Variants in THSD7B observed in about 807,000 individuals in gnomAD.
THSD7B encodes the protein thrombospondin type-1 domain-containing protein 7B.
A neutral mutation model predicts 213.6 loss-of-function variants in THSD7B; 138 were observed. The observed-to-expected ratio is 0.65, with a 90% confidence interval of 0.56 to 0.74. The LOEUF is 0.74. Among genes scored for constraint, THSD7B ranks in the 30% least tolerant of loss-of-function variants. The probability of loss-of-function intolerance (pLI) is 0.00; values close to 1 mark genes in which losing one functional copy is unlikely to be tolerated. For synonymous variants in THSD7B, 742 were observed against 687.0 expected (o/e 1.08, Z -1.25); for missense variants, 1,931 against 1,991.5 (o/e 0.97, Z 0.58).
intron 1 of THSD7B, among the ~76,000 whole-genome samples, chr2:136,770,392 C>T (rs1486816339): frequency 6.6e-6 from 1 of 152,134 alleles, no homozygotes. Flanking sequence ...GCAAGTTAGA[C>T]AGGGCACATG....
At chr2:137,085,289 C>T (rs962152422) in intron 3 of THSD7B, among the ~76,000 whole-genome samples, 1 of 152,072 alleles carries the variant, frequency 6.6e-6, no homozygotes, top group Non-Finnish European at 1.5e-5. Flanking sequence ...GTTTGTGGTG[C>T]CACATTCTAA....
chr2:137,033,958 C>T (rs1384465559), intron 2 of THSD7B, among the ~76,000 whole-genome samples: 1 of 135,846 alleles, frequency 7.4e-6, no homozygotes, highest in Non-Finnish European at 1.6e-5. Flanking sequence ...TACCCCACAA[C>T]AGGCCCCAGT....
intron 2 of THSD7B, among the ~76,000 whole-genome samples, chr2:137,050,374 G>A (rs868867327): frequency 1.6e-4 from 24 of 152,180 alleles, no homozygotes; most frequent in South Asian, 4.1e-4. Context: ...TCTAATGGAT[G>A]TTCTAGACAC....
intron 3 of THSD7B, among the ~76,000 whole-genome samples, chr2:137,083,750 G>A (rs946147752): frequency 2.0e-5 from 3 of 151,884 alleles, no homozygotes; most frequent in South Asian, 2.1e-4. Context: ...TGTTGCAAAC[G>A]TTCGCTGAGT....
chr2:137,581,708 C>T (rs893948185), intron 17 of THSD7B, among the ~76,000 whole-genome samples: 13 of 146,092 alleles, frequency 8.9e-5, no homozygotes, highest in African/African-American at 3.0e-4. Context: ...TGCAGTGAGC[C>T]GAGATCCCGC....
chr2:136,972,469 T>C (rs1685420089), intron 2 of THSD7B, among the ~76,000 whole-genome samples: 1 of 152,194 alleles, frequency 6.6e-6, no homozygotes, highest in South Asian at 2.1e-4. Context: ...AATATGCATG[T>C]ATGCGTGTAT....
intron 2 of THSD7B, among the ~76,000 whole-genome samples, chr2:136,908,415 T>C (rs1168269953): frequency 6.6e-6 from 1 of 152,186 alleles, no homozygotes; most frequent in Non-Finnish European, 1.5e-5. Flanking sequence ...CGTAGTGAAA[T>C]GAGTAGCAAA....
intron 2 of THSD7B, among the ~76,000 whole-genome samples, chr2:137,043,857 T>C (rs1686924431): frequency 6.6e-6 from 1 of 152,198 alleles, no homozygotes; most frequent in Admixed American, 6.5e-5. Flanking sequence ...CACCATCTTC[T>C]CTTAATAAAT....
intron 12 of THSD7B, among the ~76,000 whole-genome samples, chr2:137,353,445 C>G (rs956432689): frequency 3.3e-5 from 5 of 152,092 alleles, no homozygotes; most frequent in Non-Finnish European, 5.9e-5. Flanking sequence ...CTTCACTGAC[C>G]TAACCAATCC....
chr2:137,529,747 G>A (rs1680361449), intron 15 of THSD7B, among the ~76,000 whole-genome samples: 1 of 151,906 alleles, frequency 6.6e-6, no homozygotes, highest in African/African-American at 2.4e-5. Context: ...CTGCCCTTTA[G>A]ATATTATACC....
chr2:136,977,702 C>T (rs1685502857), intron 2 of THSD7B, among the ~76,000 whole-genome samples: 1 of 151,796 alleles, frequency 6.6e-6, no homozygotes, highest in African/African-American at 2.4e-5. Context: ...TTGATTTCTG[C>T]CTTAATTTCA....
At chr2:136,794,059 G>A (rs566896865) in intron 1 of THSD7B, among the ~76,000 whole-genome samples, 8 of 150,112 alleles carry the variant, frequency 5.3e-5, no homozygotes, top group South Asian at 4.2e-4. Flanking sequence ...ATCTGTTTCC[G>A]TGTGGTGATG....
At chr2:137,435,274 A>G (rs922733202) in intron 14 of THSD7B, among the ~76,000 whole-genome samples, 1 of 152,188 alleles carries the variant, frequency 6.6e-6, no homozygotes, top group African/African-American at 2.4e-5. Context: ...AAACTTTTTA[A>G]GGGTATGCCA....
intron 12 of THSD7B, among the ~76,000 whole-genome samples, chr2:137,339,640 G>C (rs1316464977): frequency 1.3e-5 from 2 of 151,562 alleles, no homozygotes; most frequent in African/African-American, 4.8e-5. Flanking sequence ...TGACGTAAGT[G>C]GTCATCATCA....
chr2:137,248,959 A>G (rs1330808809), intron 10 of THSD7B, among the ~76,000 whole-genome samples: 1 of 152,170 alleles, frequency 6.6e-6, no homozygotes, highest in African/African-American at 2.4e-5. Context: ...ACATGAGTGC[A>G]GGTATCTTTG....
chr2:137,256,910 G>T (rs771277431), intron 10 of THSD7B, among the ~76,000 whole-genome samples: 1 of 152,160 alleles, frequency 6.6e-6, no homozygotes, highest in Non-Finnish European at 1.5e-5. Context: ...ATTTCTTACA[G>T]TTCTGGAGAC....
intron 8 of THSD7B, among the ~76,000 whole-genome samples, chr2:137,232,619 G>A (rs1166265757): frequency 6.6e-6 from 1 of 152,166 alleles, no homozygotes; most frequent in East Asian, 1.9e-4. Context: ...TTATCTCAGA[G>A]ATACATGCTG....
chr2:136,908,847 A>G (rs376362004), intron 2 of THSD7B, among the ~76,000 whole-genome samples: 29 of 152,292 alleles, frequency 1.9e-4, no homozygotes, highest in Middle Eastern at 3.4e-3. Context: ...TCATTTAACA[A>G]GTAAACTTAT....
chr2:137,063,347 T>C (rs762235725), intron 3 of THSD7B, among the ~76,000 whole-genome samples: 1 of 151,994 alleles, frequency 6.6e-6, no homozygotes, highest in Non-Finnish European at 1.5e-5. Context: ...GTCCTTGTTC[T>C]TTGCTCCTTT....
Sources: gnomAD v4.1 joint callset for allele counts (sites outside exome capture counted in the v4.1 genomes callset) on GRCh38, gnomAD v4.1.1 for gene constraint, MANE v1.5 for transcripts, NCBI Gene and HGNC (gene_info 2026-07-23, HGNC 2026-07-21) for gene names.